The following ELOVL7 variants were observed in gnomAD, a reference collection of about 807,000 sequenced individuals.
ELOVL7 encodes the protein very long chain fatty acid elongase 7.
ELOVL7 carries 27 observed loss-of-function variants against 35.7 expected under a neutral mutation model. The observed-to-expected ratio is 0.76, with a 90% confidence interval of 0.56 to 1.04. The LOEUF is 1.04. Among genes scored for constraint, ELOVL7 ranks in the 50% least tolerant of loss-of-function variants. ELOVL7 has a pLI of 0.00. For missense variants in ELOVL7, 327 were observed against 340.8 expected (o/e 0.96, Z 0.32); for synonymous variants, 113 against 114.6 (o/e 0.99, Z 0.09).
chr5:60,817,765 A>G (rs1245213220), intron 1 of ELOVL7, among the ~76,000 whole-genome samples: 1 of 148,714 alleles, frequency 6.7e-6, no homozygotes, highest in Non-Finnish European at 1.5e-5. Flanking sequence ...TATACCATAT[A>G]TAAACACACA....
At chr5:60,759,401 T>A (rs1018146788) in intron 7 of ELOVL7, among the ~76,000 whole-genome samples, 13 of 152,050 alleles carry the variant, frequency 8.5e-5, no homozygotes, top group African/African-American at 3.1e-4. Context: ...TTTTCTAGGT[T>A]AATTTAAAAA....
intron 5 of ELOVL7, among the ~76,000 whole-genome samples, chr5:60,767,267 G>A (rs1295258802): frequency 1.3e-5 from 2 of 151,938 alleles, no homozygotes; most frequent in Non-Finnish European, 2.9e-5. Flanking sequence ...GCTAAGTTTT[G>A]TATTTTAGTA....
intron 7 of ELOVL7, among the ~76,000 whole-genome samples, chr5:60,763,434 G>A (rs1423322993): frequency 6.6e-6 from 1 of 152,164 alleles, no homozygotes; most frequent in East Asian, 1.9e-4. Flanking sequence ...GGCCAATAGA[G>A]GCAAGCTATT....
intron 1 of ELOVL7, among the ~76,000 whole-genome samples, chr5:60,835,237 G>A (rs1746723708): frequency 6.7e-6 from 1 of 148,830 alleles, no homozygotes; most frequent in Non-Finnish European, 1.5e-5. Flanking sequence ...CTGTACTTGA[G>A]GAAGAGCTCC....
At chr5:60,818,390 T>C (rs1291882869) in intron 1 of ELOVL7, among the ~76,000 whole-genome samples, 1 of 150,498 alleles carries the variant, frequency 6.6e-6, no homozygotes, top group African/African-American at 2.4e-5. Flanking sequence ...TATGCTGCTA[T>C]GGAATAATCA....
chr5:60,806,753 T>C (rs887794914), intron 1 of ELOVL7, among the ~76,000 whole-genome samples: 4 of 151,982 alleles, frequency 2.6e-5, no homozygotes, highest in Non-Finnish European at 5.9e-5. Flanking sequence ...GCCATCTTTA[T>C]GTTCACAGGG....
chr5:60,769,120 T>C (rs2112168671), intron 4 of ELOVL7, among the ~76,000 whole-genome samples: 1 of 152,270 alleles, frequency 6.6e-6, no homozygotes, highest in East Asian at 1.9e-4. Context: ...ATCTTGAAAA[T>C]TAAGACTCAG....
At chr5:60,818,746 G>A (rs1239570679) in intron 1 of ELOVL7, among the ~76,000 whole-genome samples, 6 of 151,466 alleles carry the variant, frequency 4.0e-5, no homozygotes, top group Non-Finnish European at 1.5e-5. Context: ...GGTGGCTCAC[G>A]CCTGTAATCC....
intron 7 of ELOVL7, 108 bp downstream of exon 7, chr5:60,764,117 ACT>A (rs1742086763): frequency 4.1e-6 from 3 of 723,466 alleles, no homozygotes; most frequent in Non-Finnish European, 7.2e-6. Context: ...AAACAAAGTG[ACT>A]CTTTGATTTT....
rs147783451 is a variant in ELOVL7 at position 60,771,992 on chromosome 5, T to C, written c.166A>G (p.Met56Val). The change falls in exon 4 of 9, where the codon ATG becomes GTG. Residue 56 changes from methionine (M) to valine (V), a missense_variant. Met to Val is a conservative substitution (Grantham distance 21). Transcript: ENST00000508821. ...YFVTSLGPKL[M>V]ENRKPFELKK... ...AGTTCAAAGGGCTTGCGATTTTCCA[T>C]GAGCTTTGGTCCCAAGGAAGTGACA... 63 of 1,613,550 alleles carry C rather than the reference T, an allele frequency of 3.9e-5. No individual in the cohort carries two copies. The highest frequency in any genetic ancestry group is 5.1e-5 in the Non-Finnish European group (60 of 1,179,624).
chr5:60,774,764 C>CT (rs1441731287), intron 3 of ELOVL7, among the ~76,000 whole-genome samples: 5,404 of 136,690 alleles, frequency 0.04, 156 homozygotes, highest in African/African-American at 0.057. Context: ...ATAAAACTCT[C>CT]TTTTTTTTTT....
At chr5:60,775,739 T>TA (rs1420945758) in intron 3 of ELOVL7, among the ~76,000 whole-genome samples, 40 of 152,200 alleles carry the variant, frequency 2.6e-4, no homozygotes, top group African/African-American at 9.2e-4. Context: ...AAGGACTCCC[T>TA]ATTCAATAGA....
rs547948373 is a variant in ELOVL7, at chr5:60,754,555, A to T, written c.*69T>A. On this transcript the variant is annotated 3_prime_UTR_variant, in exon 9 of 9. Transcript: ENST00000508821. ...TTGAAAAATATACAAAATGCACTGCATAGGTAAATATCTCTTGATTGTCAA... is the reference window on the plus strand; with the variant it reads ...TTGAAAAATATACAAAATGCACTGCTTAGGTAAATATCTCTTGATTGTCAA... 7.3e-7 allele frequency: 1 copy of T among 1,378,656 alleles called. No homozygotes were observed. Among genetic ancestry groups the T allele is most frequent in the East Asian group, 2.3e-5 (1 of 43,238 alleles). The allele number at this position is 1,378,656 out of a possible 1,614,324, so 85.4% of individuals were successfully genotyped here. A position where few individuals can be genotyped will look rare whatever the true frequency, so the allele number is the denominator to read the frequency against.
At chr5:60,842,055 C>T (rs1470249793) in intron 1 of ELOVL7, among the ~76,000 whole-genome samples, 1 of 152,214 alleles carries the variant, frequency 6.6e-6, no homozygotes, top group African/African-American at 2.4e-5. Context: ...CAAGCAACTA[C>T]TAGCTGTAAG....
intron 3 of ELOVL7, among the ~76,000 whole-genome samples, chr5:60,776,861 A>C (rs1176181795): frequency 6.6e-6 from 1 of 152,246 alleles, no homozygotes; most frequent in African/African-American, 2.4e-5. Flanking sequence ...TACCACCTGA[A>C]TCTAAAATAA....
intron 1 of ELOVL7, among the ~76,000 whole-genome samples, chr5:60,836,405 G>A (rs2112402125): frequency 6.6e-6 from 1 of 152,146 alleles, no homozygotes; most frequent in South Asian, 2.1e-4. Flanking sequence ...ACGAAGAAGA[G>A]GATGAAGGAT....
chr5:60,772,945 A>G (rs1169622465), intron 3 of ELOVL7, among the ~76,000 whole-genome samples: 1 of 152,202 alleles, frequency 6.6e-6, no homozygotes, highest in Non-Finnish European at 1.5e-5. Flanking sequence ...GGATCACAGA[A>G]TAGAAAGGCT....
At chr5:60,790,289 T>C (rs1329501568) in intron 2 of ELOVL7, among the ~76,000 whole-genome samples, 1 of 152,168 alleles carries the variant, frequency 6.6e-6, no homozygotes, top group Admixed American at 6.5e-5. Flanking sequence ...AAAAAGGGAA[T>C]GGGGTACAAA....
chr5:60,818,685 A>G (rs1025197900), intron 1 of ELOVL7, among the ~76,000 whole-genome samples: 2 of 152,060 alleles, frequency 1.3e-5, no homozygotes, highest in African/African-American at 4.8e-5. Context: ...TCAACACAAG[A>G]CAAACCTATC....
Sources: allele counts gnomAD v4.1 joint callset (sites outside exome capture counted in the v4.1 genomes callset), GRCh38; gene constraint gnomAD v4.1.1; transcripts MANE v1.5; gene names NCBI Gene and HGNC (gene_info 2026-07-23, HGNC 2026-07-21).